Variants in GTF2I observed in about 807,000 individuals in gnomAD.
The protein encoded by GTF2I is general transcription factor IIi.
In GTF2I, 12 loss-of-function variants were observed where a neutral mutation model predicts 67.6. The ratio of observed to expected loss-of-function variants is 0.18; its 90% confidence interval spans 0.11 to 0.29. GTF2I has a LOEUF of 0.29. Among genes scored for constraint, GTF2I ranks in the 10% least tolerant of loss-of-function variants. The probability of loss-of-function intolerance (pLI) is 1.00; values close to 1 mark genes in which losing one functional copy is unlikely to be tolerated. For synonymous variants in GTF2I, 149 were observed against 197.0 expected (o/e 0.76, Z 2.04); for missense variants, 271 against 580.1 (o/e 0.47, Z 5.47).
intron 6 of GTF2I, among the ~76,000 whole-genome samples, chr7:74,703,515 G>A (rs911149060): frequency 1.3e-5 from 2 of 152,100 alleles, no homozygotes; most frequent in African/African-American, 4.8e-5. Flanking sequence ...GAGTAGCTGG[G>A]ACTACAGGTG....
At chr7:74,708,690 C>T (rs1791108159) in intron 8 of GTF2I, among the ~76,000 whole-genome samples, 1 of 152,180 alleles carries the variant, frequency 6.6e-6, no homozygotes, top group Non-Finnish European at 1.5e-5. Context: ...GTGGCAGAGA[C>T]TCACATGGAG....
intron 1 of GTF2I, among the ~76,000 whole-genome samples, chr7:74,688,331 G>A (rs587634303): frequency 2.0e-5 from 3 of 152,184 alleles, no homozygotes; most frequent in African/African-American, 7.2e-5. Context: ...CACCTGCCTC[G>A]GCCTCCCAAA....
intron 12 of GTF2I, among the ~76,000 whole-genome samples, chr7:74,723,251 G>A (rs1554404985): frequency 1.3e-5 from 2 of 149,512 alleles, no homozygotes; most frequent in Non-Finnish European, 3.0e-5. Flanking sequence ...GCCTTCCTCC[G>A]AGTAGCTGGG....
At chr7:74,723,292 A>AT (rs1162953159) in intron 12 of GTF2I, among the ~76,000 whole-genome samples, 13 of 150,770 alleles carry the variant, frequency 8.6e-5, no homozygotes, top group South Asian at 2.1e-4. Context: ...TGCCTGGCTA[A>AT]TTTTTTTTGT....
At chr7:74,677,386 G>A (rs782651448) in intron 1 of GTF2I, among the ~76,000 whole-genome samples, 2 of 152,070 alleles carry the variant, frequency 1.3e-5, no homozygotes, top group South Asian at 2.1e-4. Context: ...GGCATTAAGC[G>A]ATACATGAAT....
chr7:74,685,923 G>T (rs936427524), intron 1 of GTF2I, among the ~76,000 whole-genome samples: 20 of 152,252 alleles, frequency 1.3e-4, no homozygotes, highest in Admixed American at 1.3e-3. Flanking sequence ...CGTGGTGGCG[G>T]GCGCCTGTAG....
At chr7:74,680,099 A>AAAAAAAAAAAAATATATATATATATATAT in intron 1 of GTF2I, among the ~76,000 whole-genome samples, 1 of 94,994 alleles carries the variant, frequency 1.1e-5, no homozygotes. Context: ...AAAAAAAAAA[A>AAAAAAAAAAAAATATATATATATATATAT]ATATATATAT....
At chr7:74,723,849 A>AG (rs1381269123) in intron 12 of GTF2I, among the ~76,000 whole-genome samples, 181 of 151,620 alleles carry the variant, frequency 1.2e-3, no homozygotes, top group Middle Eastern at 3.4e-3. Context: ...TGTTGAGAAA[A>AG]GGGGGAAAAA....
intron 12 of GTF2I, among the ~76,000 whole-genome samples, chr7:74,725,299 C>T (rs1221717835): frequency 5.3e-5 from 8 of 152,078 alleles, no homozygotes; most frequent in South Asian, 2.1e-4. Context: ...TGCCTGAATG[C>T]CATGTTCCAT....
In GTF2I at chr7:74,682,146, T is replaced by C. The variant is rs3801477; in HGVS notation, c.-5-6978T>C. On this transcript the variant is annotated intron_variant, in intron 1 of 34. Coordinates refer to ENST00000573035, the MANE Select transcript of GTF2I (RefSeq NM_032999.4). ...ATTAAATGAAGCAATAAAAGTTCTCTTTTGTACTTGATCTTGTTTGAATTG... is the reference window on the plus strand; with the variant it reads ...ATTAAATGAAGCAATAAAAGTTCTCCTTTGTACTTGATCTTGTTTGAATTG... Among the ~76,000 whole-genome samples, 1,343 of 152,296 alleles carry C rather than the reference T, an allele frequency of 8.8e-3. 6 individuals carry two copies. Among genetic ancestry groups the C allele is most frequent in the East Asian group, 0.021 (109 of 5,186 alleles).
intron 6 of GTF2I, among the ~76,000 whole-genome samples, chr7:74,702,764 C>T (rs1232508140): frequency 1.4e-5 from 2 of 148,140 alleles, no homozygotes; most frequent in Non-Finnish European, 1.5e-5. Flanking sequence ...GACAGGGTCT[C>T]ACCCTGTCGC....
intron 1 of GTF2I, among the ~76,000 whole-genome samples, chr7:74,675,247 T>C (rs1805792667): frequency 6.6e-6 from 1 of 152,186 alleles, no homozygotes; most frequent in African/African-American, 2.4e-5. Flanking sequence ...ATAGACTGTC[T>C]CTTAACTCAG....
At chr7:74,693,438 A>C (rs1788556334) in intron 3 of GTF2I, among the ~76,000 whole-genome samples, 1 of 151,818 alleles carries the variant, frequency 6.6e-6, no homozygotes, top group South Asian at 2.1e-4. Context: ...CCTCGAACGC[A>C]CACATATAAT....
At chr7:74,689,876 C>T (rs782539942) in intron 2 of GTF2I, among the ~76,000 whole-genome samples, 27 of 152,076 alleles carry the variant, frequency 1.8e-4, no homozygotes, top group African/African-American at 5.5e-4. Context: ...CCACCACGCT[C>T]GGGTAATTTT....
intron 1 of GTF2I, chr7:74,688,895 T>C: frequency 2.2e-6 from 1 of 447,790 alleles, no homozygotes; most frequent in Non-Finnish European, 4.0e-6. Context: ...ATTTGGGGTG[T>C]GATATTGACC....
chr7:74,729,770 A>C (rs1554406342), intron 13 of GTF2I, among the ~76,000 whole-genome samples: 1 of 150,044 alleles, frequency 6.7e-6, no homozygotes, highest in African/African-American at 2.5e-5. Context: ...GAGCCACTGC[A>C]CTTGGCCTGT....
chr7:74,678,840 C>G (rs1322169247), intron 1 of GTF2I, among the ~76,000 whole-genome samples: 2 of 148,548 alleles, frequency 1.3e-5, no homozygotes, highest in Non-Finnish European at 3.0e-5. Context: ...GGCGCGATCT[C>G]GGCTCACTGC....
chr7:74,706,170 G>A (rs1374972383), intron 7 of GTF2I, among the ~76,000 whole-genome samples: 2 of 152,188 alleles, frequency 1.3e-5, no homozygotes, highest in African/African-American at 2.4e-5. Context: ...TGCCCGCCTC[G>A]GCCTCCCAAT....
intron 2 of GTF2I, among the ~76,000 whole-genome samples, chr7:74,690,372 T>C (rs2527380): frequency 0.6 from 90,876 of 152,060 alleles, 29,285 homozygotes; most frequent in East Asian, 0.9. Context: ...ATATACTCTG[T>C]AACATTTTAA....
Sources: gnomAD v4.1 joint callset for allele counts (sites outside exome capture counted in the v4.1 genomes callset) on GRCh38, gnomAD v4.1.1 for gene constraint, MANE v1.5 for transcripts, NCBI Gene and HGNC (gene_info 2026-07-23, HGNC 2026-07-21) for gene names.